The following GPR149 variants were observed in gnomAD, a reference collection of about 807,000 sequenced individuals.
The protein encoded by GPR149 is probable G protein-coupled receptor 149.
A neutral mutation model predicts 50.2 loss-of-function variants in GPR149; 50 were observed. The observed-to-expected ratio is 1.00, with a 90% confidence interval of 0.79 to 1.26. The LOEUF (loss-of-function observed/expected upper bound fraction) is 1.26. Among genes scored for constraint, GPR149 ranks in the 50% most tolerant of loss-of-function variants. The pLI is 0.00. For synonymous variants in GPR149, 405 were observed against 358.2 expected (o/e 1.13, Z -1.48); for missense variants, 983 against 895.4 (o/e 1.10, Z -1.25).
intron 3 of GPR149, among the ~76,000 whole-genome samples, chr3:154,403,674 T>C (rs1024098422): frequency 2.0e-5 from 3 of 152,212 alleles, no homozygotes; most frequent in Admixed American, 6.5e-5. Flanking sequence ...AAGTTTCAGC[T>C]TCACTGGCTT....
chr3:154,428,596 G>C (rs1350417601), intron 1 of GPR149, 39 bp downstream of exon 1: 1 of 1,585,842 alleles, frequency 6.3e-7, no homozygotes, highest in East Asian at 2.2e-5. Context: ...ACACTGTCTG[G>C]CACACACACT....
chr3:154,367,732 C>T (rs1011606098), intron 3 of GPR149, among the ~76,000 whole-genome samples: 1 of 152,198 alleles, frequency 6.6e-6, no homozygotes, highest in African/African-American at 2.4e-5. Flanking sequence ...ATCCATGTCT[C>T]TCTCTCACCA....
intron 3 of GPR149, among the ~76,000 whole-genome samples, chr3:154,349,438 A>G (rs1436784498): frequency 6.6e-6 from 1 of 152,200 alleles, no homozygotes; most frequent in Admixed American, 6.6e-5. Flanking sequence ...AGCCATCGAA[A>G]GTACCATAAG....
At chr3:154,352,912 G>A (rs564878874) in intron 3 of GPR149, 36 of 873,078 alleles carry the variant, frequency 4.1e-5, no homozygotes, top group East Asian at 1.4e-4. Context: ...CATCCAGAGC[G>A]ATGGATACGG....
intron 3 of GPR149, among the ~76,000 whole-genome samples, chr3:154,390,050 A>G (rs914208911): frequency 6.6e-6 from 1 of 152,172 alleles, no homozygotes; most frequent in African/African-American, 2.4e-5. Context: ...ATGATCAGTG[A>G]GAACAAAGGT....
chr3:154,357,100 A>C (rs1278672677), intron 3 of GPR149, among the ~76,000 whole-genome samples: 2 of 152,236 alleles, frequency 1.3e-5, no homozygotes, highest in African/African-American at 2.4e-5. Flanking sequence ...CCTATTTAAT[A>C]AATAGTGCTG....
intron 2 of GPR149, among the ~76,000 whole-genome samples, chr3:154,424,988 A>G (rs560279525): frequency 1.2e-3 from 177 of 152,062 alleles, no homozygotes; most frequent in Non-Finnish European, 1.9e-3. Context: ...TCTGAAAGCC[A>G]TATCCAAACA....
At chr3:154,347,348 C>T (rs762934118) in intron 3 of GPR149, among the ~76,000 whole-genome samples, 5 of 152,138 alleles carry the variant, frequency 3.3e-5, no homozygotes, top group Non-Finnish European at 7.4e-5. Flanking sequence ...GCACATCCCT[C>T]GTCACATAGT....
chr3:154,417,868 A>G (rs1308205872), intron 3 of GPR149, among the ~76,000 whole-genome samples: 1 of 152,128 alleles, frequency 6.6e-6, no homozygotes, highest in Non-Finnish European at 1.5e-5. Flanking sequence ...TAAGGTTTTC[A>G]GTCCTAAATG....
intron 3 of GPR149, among the ~76,000 whole-genome samples, chr3:154,346,788 G>C (rs973797994): frequency 5.3e-5 from 8 of 151,926 alleles, no homozygotes; most frequent in Admixed American, 3.3e-4. Flanking sequence ...GTAGATAAAG[G>C]GTTTTGTCAT....
chr3:154,372,256 A>C (rs1035092804), intron 3 of GPR149, among the ~76,000 whole-genome samples: 2 of 152,102 alleles, frequency 1.3e-5, no homozygotes, highest in African/African-American at 4.8e-5. Flanking sequence ...AATATTGAAG[A>C]TATATGCTTA....
At chr3:154,397,488 A>G (rs1358580359) in intron 3 of GPR149, among the ~76,000 whole-genome samples, 1 of 152,194 alleles carries the variant, frequency 6.6e-6, no homozygotes, top group Non-Finnish European at 1.5e-5. Flanking sequence ...ATATAAACTT[A>G]AACTGAATTA....
chr3:154,419,576 A>G (rs756150210), intron 3 of GPR149, among the ~76,000 whole-genome samples: 8 of 152,076 alleles, frequency 5.3e-5, no homozygotes, highest in African/African-American at 7.2e-5. Context: ...AAGTACATAC[A>G]TTTGTGATAG....
At chr3:154,372,966 G>T (rs1048497486) in intron 3 of GPR149, among the ~76,000 whole-genome samples, 1 of 152,092 alleles carries the variant, frequency 6.6e-6, no homozygotes, top group Non-Finnish European at 1.5e-5. Flanking sequence ...AGGTGAAATT[G>T]GATGTCCAAT....
intron 3 of GPR149, chr3:154,353,799 A>G: frequency 1.4e-6 from 1 of 700,308 alleles, no homozygotes; most frequent in Non-Finnish European, 2.6e-6. Context: ...TCCATGCTCG[A>G]GCTATTAAAT....
chr3:154,372,666 A>G (rs1057385530), intron 3 of GPR149, among the ~76,000 whole-genome samples: 10 of 152,210 alleles, frequency 6.6e-5, no homozygotes, highest in Non-Finnish European at 1.5e-4. Flanking sequence ...GAGGACCAGT[A>G]TGGAGGTCAT....
intron 3 of GPR149, among the ~76,000 whole-genome samples, chr3:154,401,637 T>C (rs1451676394): frequency 6.6e-6 from 1 of 152,070 alleles, no homozygotes; most frequent in Non-Finnish European, 1.5e-5. Context: ...CATTTCAACT[T>C]TCAGAAGGCA....
intron 3 of GPR149, among the ~76,000 whole-genome samples, chr3:154,367,582 C>T (rs111854115): frequency 1.3e-5 from 2 of 152,176 alleles, no homozygotes; most frequent in African/African-American, 2.4e-5. Flanking sequence ...TCCCACTGCA[C>T]GTATTTCCCT....
At chr3:154,397,913 T>C (rs1380163306) in intron 3 of GPR149, among the ~76,000 whole-genome samples, 1 of 151,172 alleles carries the variant, frequency 6.6e-6, no homozygotes, top group Non-Finnish European at 1.5e-5. Context: ...TAACTACAGG[T>C]TGGCAATGGT....
Sources: gnomAD v4.1 joint callset for allele counts (sites outside exome capture counted in the v4.1 genomes callset) on GRCh38, gnomAD v4.1.1 for gene constraint, MANE v1.5 for transcripts, NCBI Gene and HGNC (gene_info 2026-07-23, HGNC 2026-07-21) for gene names.